IGF2BP3: variants seen among roughly 807,000 people sequenced by gnomAD.
IGF2BP3 encodes insulin like growth factor 2 mRNA binding protein 3.
In IGF2BP3, 9 loss-of-function variants were observed where a neutral mutation model predicts 73.8. That is an observed-to-expected ratio of 0.12 (90% CI 0.07 to 0.21). The LOEUF (loss-of-function observed/expected upper bound fraction) is 0.21, where lower values mean the gene tolerates loss of function less well. Ranked by LOEUF, IGF2BP3 falls within the 10% of genes least tolerant of loss-of-function variation. IGF2BP3 has a pLI of 1.00. For missense variants in IGF2BP3, 542 were observed against 714.0 expected (o/e 0.76, Z 2.75); for synonymous variants, 258 against 256.7 (o/e 1.01, Z -0.05).
At chr7:23,348,141 T>G (rs758302189) in intron 6 of IGF2BP3, among the ~76,000 whole-genome samples, 1 of 152,212 alleles carries the variant, frequency 6.6e-6, no homozygotes, top group African/African-American at 2.4e-5. Flanking sequence ...TTCTGCACAG[T>G]ATATCATTCT....
chr7:23,321,415 G>A (rs1447464543), intron 10 of IGF2BP3, among the ~76,000 whole-genome samples: 2 of 152,226 alleles, frequency 1.3e-5, no homozygotes, highest in East Asian at 1.9e-4. Context: ...CTGGCTCGGA[G>A]GGTCGTACGC....
intron 3 of IGF2BP3, among the ~76,000 whole-genome samples, chr7:23,392,463 C>T (rs1198102562): frequency 1.3e-5 from 2 of 148,712 alleles, no homozygotes; most frequent in African/African-American, 5.0e-5. Context: ...CACACACACA[C>T]ATATATATGT....
chr7:23,417,115 T>TA (rs1489769064), intron 3 of IGF2BP3, among the ~76,000 whole-genome samples: 4 of 152,064 alleles, frequency 2.6e-5, no homozygotes, highest in African/African-American at 7.2e-5. Flanking sequence ...AAAAAGGAAA[T>TA]AGTGTTCCCT....
At chr7:23,389,032 T>C (rs542697952) in intron 3 of IGF2BP3, among the ~76,000 whole-genome samples, 27 of 152,326 alleles carry the variant, frequency 1.8e-4, no homozygotes, top group Non-Finnish European at 3.1e-4. Context: ...TGTTAAAACT[T>C]ATCAAAACGT....
chr7:23,366,081 T>C (rs1247838539), intron 3 of IGF2BP3: 1 of 152,118 alleles, frequency 6.6e-6, no homozygotes, highest in Non-Finnish European at 1.5e-5. Context: ...ATTGCCTGTA[T>C]AGTTAAATAT....
At chr7:23,430,704 G>A (rs932859351) in intron 2 of IGF2BP3, among the ~76,000 whole-genome samples, 3 of 152,180 alleles carry the variant, frequency 2.0e-5, no homozygotes, top group African/African-American at 7.2e-5. Context: ...AAATACTTGG[G>A]AAAATGATCA....
intron 12 of IGF2BP3, among the ~76,000 whole-genome samples, chr7:23,315,141 T>G (rs1425593280): frequency 1.3e-5 from 2 of 151,848 alleles, no homozygotes; most frequent in Non-Finnish European, 2.9e-5. Context: ...TTTATTTTTT[T>G]TAGAGACAGA....
At chr7:23,380,790 G>A (rs1441780902) in intron 3 of IGF2BP3, among the ~76,000 whole-genome samples, 1 of 152,228 alleles carries the variant, frequency 6.6e-6, no homozygotes, top group Non-Finnish European at 1.5e-5. Flanking sequence ...GGCAGAGACT[G>A]GGATGATGCA....
intron 12 of IGF2BP3, among the ~76,000 whole-genome samples, chr7:23,315,907 G>A (rs1783976749): frequency 6.6e-6 from 1 of 152,142 alleles, no homozygotes; most frequent in Admixed American, 6.5e-5. Context: ...TATAAAACAT[G>A]AGTTTTATTA....
intron 3 of IGF2BP3, among the ~76,000 whole-genome samples, chr7:23,369,751 T>A (rs1333089763): frequency 6.6e-6 from 1 of 152,060 alleles, no homozygotes; most frequent in Non-Finnish European, 1.5e-5. Context: ...GTCTTTGACC[T>A]GCAACGTGAT....
At chr7:23,366,664 T>C (rs1184455676) in intron 3 of IGF2BP3, among the ~76,000 whole-genome samples, 1 of 151,880 alleles carries the variant, frequency 6.6e-6, no homozygotes, top group Non-Finnish European at 1.5e-5. Flanking sequence ...ACAACACAAC[T>C]TAGGAGATTT....
In IGF2BP3 at chr7:23,312,303, G is replaced by T; in HGVS notation, c.*59C>A. The T allele has an allele frequency of 8.0e-7, 1 of 1,248,488 alleles. No individual in the cohort carries two copies. Among genetic ancestry groups the T allele is most frequent in the Non-Finnish European group, 1.2e-6 (1 of 850,120 alleles). 77.3% of individuals were successfully genotyped at this position (1,248,488 alleles called of 1,614,324 possible). ...ATAGGGGGTCAGCGCCCATCTGTTG[G>T]TTAAGCAATCTGTCTTTGGTTTGGC... is the stretch of plus-strand genomic sequence containing the variant. On this transcript the variant is annotated 3_prime_UTR_variant, in exon 15 of 15. Transcript: ENST00000258729.
intron 3 of IGF2BP3, among the ~76,000 whole-genome samples, chr7:23,403,583 G>T (rs565387815): frequency 1.7e-4 from 26 of 152,270 alleles, no homozygotes; most frequent in African/African-American, 5.8e-4. Context: ...GAACTTGCAG[G>T]AGATATTAGA....
chr7:23,441,851 G>A (rs189489236), intron 2 of IGF2BP3, among the ~76,000 whole-genome samples: 2,513 of 152,182 alleles, frequency 0.017, 32 homozygotes, highest in Non-Finnish European at 0.025. Flanking sequence ...CTGGCTGGGC[G>A]GGGTGGCTCA....
At chr7:23,433,166 G>C (rs886482318) in intron 2 of IGF2BP3, among the ~76,000 whole-genome samples, 47 of 152,182 alleles carry the variant, frequency 3.1e-4, no homozygotes, top group African/African-American at 1.1e-3. Context: ...ACATGCTTGA[G>C]TAGCACTGAA....
intron 3 of IGF2BP3, among the ~76,000 whole-genome samples, chr7:23,366,219 C>T (rs1023751523): frequency 3.3e-5 from 5 of 151,784 alleles, no homozygotes; most frequent in Non-Finnish European, 2.9e-5. Flanking sequence ...CTCACTGCAA[C>T]GTCTGCCTCC....
At chr7:23,319,787 C>T (rs1417123992) in intron 10 of IGF2BP3, among the ~76,000 whole-genome samples, 1 of 152,206 alleles carries the variant, frequency 6.6e-6, no homozygotes, top group Non-Finnish European at 1.5e-5. Flanking sequence ...AACCTTACCA[C>T]TGTCATTCAA....
Position 23,380,157 on chromosome 7 carries a change from CTTTTTTTTTTTTT to C in IGF2BP3, c.286-18429_286-18417del, listed in dbSNP as rs10571084. Among the ~76,000 whole-genome samples the C allele has an allele frequency of 1.8e-4, 13 of 71,804 alleles. No individual in the cohort carries two copies. The East Asian group carries it at 1.9e-3, about 11-fold the overall frequency. 47.1% of individuals were successfully genotyped at this position (71,804 alleles called of 152,430 possible). ...ACCGTGGAGACTGCCCACTATGCCT[CTTTTTTTTTTTTT>C]TTTTTTTTTTTGAGATGGAGTCTCG... is the stretch of plus-strand genomic sequence containing the variant. On this transcript the variant is annotated intron_variant, in intron 3 of 14. Coordinates refer to ENST00000258729, the MANE Select transcript of IGF2BP3 (RefSeq NM_006547.3).
intron 2 of IGF2BP3, among the ~76,000 whole-genome samples, chr7:23,464,302 A>C (rs1788514103): frequency 6.6e-6 from 1 of 152,226 alleles, no homozygotes; most frequent in Non-Finnish European, 1.5e-5. Flanking sequence ...TTTAAACACA[A>C]GACTAATATG....
Sources: allele counts gnomAD v4.1 joint callset (sites outside exome capture counted in the v4.1 genomes callset), GRCh38; gene constraint gnomAD v4.1.1; transcripts MANE v1.5; gene names NCBI Gene and HGNC (gene_info 2026-07-23, HGNC 2026-07-21).